Variants in MTSS2 observed in about 807,000 individuals in gnomAD.
MTSS2 encodes MTSS I-BAR domain containing 2.
Under a neutral mutation model 67.1 loss-of-function variants are expected in MTSS2, and 27 were observed. That is an observed-to-expected ratio of 0.40 (90% confidence interval 0.30 to 0.55). The LOEUF is 0.55. Among genes scored for constraint, MTSS2 ranks in the 20% least tolerant of loss-of-function variants. MTSS2 has a pLI of 0.43. For synonymous variants in MTSS2, 624 were observed against 468.6 expected (o/e 1.33, Z -4.28); for missense variants, 1,171 against 1,067.8 (o/e 1.10, Z -1.35).
At chr16:70,681,698 C>T (rs2053309868) in intron 1 of MTSS2, among the ~76,000 whole-genome samples, 1 of 152,260 alleles carries the variant, frequency 6.6e-6, no homozygotes, top group Non-Finnish European at 1.5e-5. Context: ...ACCCCCTGCT[C>T]CCCTCCCCTC....
At chr16:70,673,315 CAG>C (rs535987358) in intron 11 of MTSS2, among the ~76,000 whole-genome samples, 1 of 152,106 alleles carries the variant, frequency 6.6e-6, no homozygotes. Flanking sequence ...TAAAAGTGCC[CAG>C]AGAGAGACTC....
chr16:70,678,498 T>G, intron 7 of MTSS2, 89 bp from the exon 8 acceptor site: 1 of 1,464,800 alleles, frequency 6.8e-7, no homozygotes, highest in Non-Finnish European at 9.1e-7. Context: ...TGGTGGCATC[T>G]CTCGGCCGTT....
In MTSS2 at chr16:70,661,803, G is replaced by A. The variant is rs1341265945; in HGVS notation, c.*1874C>T. The A allele has an allele frequency of 5.5e-6, 1 of 180,834 alleles. No homozygotes were observed. Among genetic ancestry groups the A allele is most frequent in the Non-Finnish European group, 1.2e-5 (1 of 85,826 alleles). The allele number at this position is 180,834 out of a possible 1,614,324, so 11.2% of individuals were successfully genotyped here. A position where few individuals can be genotyped will look rare whatever the true frequency, so the allele number is the denominator to read the frequency against. ...TCCCATCAGGACCTCTGACGCCCAGGTCTGCCCACCCACTGCCCCTCACTC... is the reference window on the plus strand; with the variant it reads ...TCCCATCAGGACCTCTGACGCCCAGATCTGCCCACCCACTGCCCCTCACTC... On this transcript the variant is annotated 3_prime_UTR_variant, in exon 15 of 15. Transcript: ENST00000338779.
At chr16:70,682,724 C>T (rs1871127187) in intron 1 of MTSS2, among the ~76,000 whole-genome samples, 1 of 151,060 alleles carries the variant, frequency 6.6e-6, no homozygotes, top group South Asian at 2.1e-4. Flanking sequence ...ATATCCGCCT[C>T]TTCATGGATA....
intron 10 of MTSS2, among the ~76,000 whole-genome samples, chr16:70,675,399 G>A (rs1239593266): frequency 3.9e-5 from 6 of 152,104 alleles, no homozygotes; most frequent in Admixed American, 3.9e-4. Flanking sequence ...CTCCAGCCTG[G>A]GTGACAGAGC....
At chr16:70,671,115 C>T (rs901504607) in intron 11 of MTSS2, among the ~76,000 whole-genome samples, 4 of 151,206 alleles carry the variant, frequency 2.6e-5, no homozygotes, top group Non-Finnish European at 5.9e-5. Context: ...TTTAGAATAC[C>T]TCAATAAAAA....
rs555376787 is a variant in MTSS2 at position 70,664,331 on chromosome 16, C to T, written c.1590G>A (p.Leu530=). The change falls in exon 15 of 15, where the codon CTG becomes CTA. Residue 530 remains leucine (L), a synonymous_variant. Transcript: ENST00000338779. ...NSNIAQNYRR[L]IQTKRPASTA... ...TGGAGGCTGGGCGCTTGGTCTGGAT[C>T]AGGCGGCGGTAGTTCTGGGCGATGT... The T allele has an allele frequency of 3.8e-6, 6 of 1,597,322 alleles. No homozygotes were observed. The highest frequency in any genetic ancestry group is 5.1e-6 in the Non-Finnish European group (6 of 1,174,186).
At chr16:70,666,954 A>G (rs2052736664) in intron 11 of MTSS2, among the ~76,000 whole-genome samples, 1 of 152,224 alleles carries the variant, frequency 6.6e-6, no homozygotes, top group Non-Finnish European at 1.5e-5. Flanking sequence ...AAGCAAGGAA[A>G]AGAAATAAAA....
In MTSS2 at chr16:70,664,710, C is replaced by T. The variant is rs535151668; in HGVS notation, c.1359G>A (p.Arg453=). The change falls in exon 14 of 15, where the codon CGG becomes CGA. Residue 453 remains arginine (R), a synonymous_variant. Transcript: ENST00000338779. ...AASDLAMVLT[R]GLSLEHQKSS... is the part of the protein sequence containing the mutation. ...TCTTCTGGTGCTCCAGGCTCAGGCC[C>T]CGCGTCAGCACCATGGCCAGGTCAC... 6 of 1,613,170 alleles carry T rather than the reference C, an allele frequency of 3.7e-6. No individual in the cohort carries two copies. In the South Asian group the frequency reaches 6.6e-5, roughly 18 times the overall value.
rs1405019428 is a variant in MTSS2 at position 70,674,500 on chromosome 16, C to A, written c.859G>T (p.Gly287Cys). ...CCCCCAGGCCATGGGGCTCCGCCAC[C>A]CTTGGCACTGCTACTGCTGCTGGGG... ...SAPSSSSSAK[G>C]GGAPWPGGAQ... The change falls in exon 11 of 15, where the codon GGT (glycine) becomes TGT (cysteine). Residue 287 changes from glycine (G) to cysteine (C), a missense_variant. By Grantham distance (159) the Gly-to-Cys change is radical (BLOSUM62 -3). Transcript: ENST00000338779. The A allele has an allele frequency of 6.2e-7, 1 of 1,613,560 alleles. No individual in the cohort carries two copies. Among genetic ancestry groups the A allele is most frequent in the African/African-American group, 1.3e-5 (1 of 74,910 alleles).
chr16:70,676,029 C>G (rs1268302513), intron 10 of MTSS2, among the ~76,000 whole-genome samples: 2 of 152,236 alleles, frequency 1.3e-5, no homozygotes, highest in African/African-American at 4.8e-5. Context: ...GCCACCCACG[C>G]AGGGTCTGAA....
intron 6 of MTSS2, 82 bp from the exon 7 acceptor site, chr16:70,679,405 C>T (rs1015441277): frequency 4.9e-5 from 77 of 1,567,070 alleles, no homozygotes; most frequent in Non-Finnish European, 6.1e-5. Context: ...CAGAGCCACT[C>T]CTGGGGCGGG....
chr16:70,667,566 A>G (rs1284785862), intron 11 of MTSS2, among the ~76,000 whole-genome samples: 1 of 152,140 alleles, frequency 6.6e-6, no homozygotes, highest in Non-Finnish European at 1.5e-5. Flanking sequence ...GATATGCAAG[A>G]TCTTTACACA....
At chr16:70,668,414 A>AAAAAAG in intron 11 of MTSS2, among the ~76,000 whole-genome samples, 1 of 152,180 alleles carries the variant, frequency 6.6e-6, no homozygotes, top group East Asian at 1.9e-4. Context: ...TCAAAAAAAA[A>AAAAAAG]AAAGACTTTT....
At chr16:70,666,045 G>A (rs2052703417) in intron 11 of MTSS2, among the ~76,000 whole-genome samples, 1 of 152,226 alleles carries the variant, frequency 6.6e-6, no homozygotes, top group Non-Finnish European at 1.5e-5. Context: ...TGGGGTTGGA[G>A]CCATCAGTGC....
Position 70,678,408 on chromosome 16 carries a change from C to T in MTSS2, c.468G>A (p.Gly156=), listed in dbSNP as rs903541700. Reference sequence around the variant, plus strand: ...CCAGCTGGGGCTGCAGGTCTCCTTTCCCTGGAGGGGTGGGGAGGAGAGGCC... The same window carrying T: ...CCAGCTGGGGCTGCAGGTCTCCTTTTCCTGGAGGGGTGGGGAGGAGAGGCC... The part of the protein sequence containing the change: ...LQKKARKELL[G]KGDLQPQLDS... The change falls in exon 8 of 15, where the codon GGG becomes GGA. Residue 156 remains glycine (G), a splice_region_variant and synonymous_variant. Coordinates refer to ENST00000338779, the MANE Select transcript of MTSS2 (RefSeq NM_138383.3). The T allele has an allele frequency of 1.7e-5, 27 of 1,609,130 alleles. No individual in the cohort carries two copies. Among genetic ancestry groups the T allele is most frequent in the Non-Finnish European group, 2.0e-5 (24 of 1,178,004 alleles).
At position 70,675,712 on chromosome 16, in the gene MTSS2, G is replaced by A. The variant is rs561340517; in HGVS notation, c.830+1169C>T. Among the ~76,000 whole-genome samples the A allele has an allele frequency of 6.6e-5, 10 of 152,270 alleles. No individual in the cohort carries two copies. The South Asian group carries it at 8.3e-4, about 13-fold the overall frequency. On this transcript the variant is annotated intron_variant, in intron 10 of 14. Coordinates refer to ENST00000338779, the MANE Select transcript of MTSS2 (RefSeq NM_138383.3). The stretch of plus-strand genomic sequence containing the variant: ...ATTACAGGCGTGAACGACTGCCCCC[G>A]GTGAGTCCAATCATTCCTAAACCAC...
Position 70,662,936 on chromosome 16 carries a change from TAGTTTCC to T in MTSS2, c.*734_*740del, listed in dbSNP as rs1350582204. The T allele has an allele frequency of 2.0e-5, 3 of 152,292 alleles. No individual in the cohort carries two copies. The highest frequency in any genetic ancestry group is 4.4e-5 in the Non-Finnish European group (3 of 68,210). 9.4% of individuals were successfully genotyped at this position (152,292 alleles called of 1,614,324 possible). The stretch of plus-strand genomic sequence containing the variant: ...CTCCGGCCTCCTAACCCTGCTGCCC[TAGTTTCC>T]AAAGAGCTGCTCTGGCCCCCTCCAG... On this transcript the variant is annotated 3_prime_UTR_variant, in exon 15 of 15. Transcript: ENST00000338779.
intron 11 of MTSS2, among the ~76,000 whole-genome samples, chr16:70,670,551 A>G (rs896689023): frequency 4.6e-5 from 7 of 152,238 alleles, no homozygotes; most frequent in Non-Finnish European, 1.0e-4. Context: ...ATAGAATGCC[A>G]TATAGCAATG....
Sources: allele counts gnomAD v4.1 joint callset (sites outside exome capture counted in the v4.1 genomes callset), GRCh38; gene constraint gnomAD v4.1.1; transcripts MANE v1.5; gene names NCBI Gene and HGNC (gene_info 2026-07-23, HGNC 2026-07-21).